MAP3K5: variants seen among roughly 807,000 people sequenced by gnomAD.
MAP3K5 encodes mitogen-activated protein kinase kinase kinase 5, also known as ASK-1.
Under a neutral mutation model 158.7 loss-of-function variants are expected in MAP3K5, and 56 were observed. That is an observed-to-expected ratio of 0.35 (90% CI 0.28 to 0.44). The LOEUF (loss-of-function observed/expected upper bound fraction) is 0.44, where lower values mean the gene tolerates loss of function less well. MAP3K5 is among the 20% of genes least tolerant of loss of function. The pLI, the probability that MAP3K5 is intolerant of heterozygous loss-of-function variation, is 1.00. For missense variants in MAP3K5, 1,294 were observed against 1,674.8 expected (o/e 0.77, Z 3.97); for synonymous variants, 579 against 601.7 (o/e 0.96, Z 0.55).
chr6:136,626,607 C>T (rs878950121), intron 14 of MAP3K5, among the ~76,000 whole-genome samples: 1 of 152,174 alleles, frequency 6.6e-6, no homozygotes, highest in Admixed American at 6.5e-5. Context: ...TTCCTGTAGT[C>T]TAGACTTCTG....
chr6:136,777,807 G>A (rs973398550), intron 1 of MAP3K5, among the ~76,000 whole-genome samples: 1 of 83,790 alleles, frequency 1.2e-5, no homozygotes, highest in East Asian at 2.9e-4. Context: ...TCTTATTCTG[G>A]CCCAGCCTTC....
intron 25 of MAP3K5, chr6:136,579,748 A>C (rs1033054762): frequency 2.2e-6 from 1 of 452,676 alleles, no homozygotes; most frequent in Non-Finnish European, 4.4e-6. Flanking sequence ...TATGTGCAAA[A>C]TCTCTGTATC....
At chr6:136,655,073 G>A (rs1778685410) in intron 10 of MAP3K5, among the ~76,000 whole-genome samples, 1 of 151,962 alleles carries the variant, frequency 6.6e-6, no homozygotes, top group Admixed American at 6.6e-5. Context: ...GACAAATTCT[G>A]TCAAATATTT....
intron 2 of MAP3K5, among the ~76,000 whole-genome samples, chr6:136,718,297 CCTCCTGGGTTCAAGAGATT>C (rs1290947526): frequency 6.6e-6 from 1 of 152,090 alleles, no homozygotes; most frequent in East Asian, 1.9e-4. Flanking sequence ...GCAACCTCTG[CCTCCTGGGTTCAAGAGATT>C]CTCATGCCTC....
At chr6:136,611,479 G>A in intron 17 of MAP3K5, 92 bp from the exon 18 acceptor site, 1 of 657,350 alleles carries the variant, frequency 1.5e-6, no homozygotes. Flanking sequence ...AAAAAAAAAG[G>A]TGTCCTTACA....
intron 2 of MAP3K5, among the ~76,000 whole-genome samples, chr6:136,707,074 G>T (rs960868749): frequency 2.0e-5 from 3 of 152,150 alleles, no homozygotes; most frequent in Admixed American, 2.0e-4. Flanking sequence ...AGGATCACTT[G>T]AGCCTTGAAG....
In MAP3K5 at chr6:136,676,151, A is replaced by G. The variant is rs140894165; in HGVS notation, c.1254-6756T>C. 6.0e-4 allele frequency among the ~76,000 whole-genome samples: 92 copies of G among 152,356 alleles called. 2 individuals carry two copies. Among genetic ancestry groups the G allele is most frequent in the African/African-American group, 2.1e-3 (86 of 41,574 alleles). On this transcript the variant is annotated intron_variant, in intron 7 of 29. Transcript: ENST00000359015. The stretch of plus-strand genomic sequence containing the variant: ...TCTGCTCCAAGAGAATGTAAGCTCC[A>G]TAAGAGCAGGAACCTTAACAGCCTT...
At chr6:136,630,356 T>A (rs1381267452) in intron 14 of MAP3K5, 1 of 152,232 alleles carries the variant, frequency 6.6e-6, no homozygotes, top group Non-Finnish European at 1.5e-5. Context: ...ATAGCAGGAA[T>A]TTCTCTCCAT....
intron 1 of MAP3K5, among the ~76,000 whole-genome samples, chr6:136,723,631 G>A (rs1781836814): frequency 6.6e-6 from 1 of 152,136 alleles, no homozygotes; most frequent in African/African-American, 2.4e-5. Flanking sequence ...CCTGTGTGAT[G>A]GAATATAAAA....
rs1246308658 is a variant in MAP3K5, at chr6:136,557,584, T to C, written c.*174A>G. The stretch of plus-strand genomic sequence containing the variant: ...TCCTTAAAAATTATAGAAATAGATG[T>C]AGTTAGGAAATTTCAGTGTGTTTTG... On this transcript the variant is annotated 3_prime_UTR_variant, in exon 30 of 30. Coordinates refer to ENST00000359015, the MANE Select transcript of MAP3K5 (RefSeq NM_005923.4). The C allele has an allele frequency of 1.8e-6, 1 of 553,774 alleles. No individual in the cohort carries two copies. The highest frequency in any genetic ancestry group is 1.9e-5 in the African/African-American group (1 of 52,452). The allele number at this position is 553,774 out of a possible 1,614,324, so 34.3% of individuals were successfully genotyped here.
chr6:136,754,095 A>C (rs997100497), intron 1 of MAP3K5, among the ~76,000 whole-genome samples: 2 of 151,664 alleles, frequency 1.3e-5, no homozygotes, highest in Non-Finnish European at 2.9e-5. Context: ...CAGCATGATG[A>C]AACCCCATCT....
At chr6:136,718,955 C>T (rs1478328998) in intron 2 of MAP3K5, among the ~76,000 whole-genome samples, 9 of 152,026 alleles carry the variant, frequency 5.9e-5, no homozygotes, top group Non-Finnish European at 7.4e-5. Flanking sequence ...GTGGGAGAAT[C>T]GCTTGAACCC....
At chr6:136,677,657 T>C (rs1779764446) in intron 7 of MAP3K5, among the ~76,000 whole-genome samples, 1 of 152,236 alleles carries the variant, frequency 6.6e-6, no homozygotes, top group African/African-American at 2.4e-5. Flanking sequence ...AAAAAGTACA[T>C]GTGGTACAAT....
chr6:136,640,788 C>T (rs892142071), intron 12 of MAP3K5, among the ~76,000 whole-genome samples: 3 of 152,182 alleles, frequency 2.0e-5, no homozygotes, highest in African/African-American at 4.8e-5. Context: ...TCTGAGGTGA[C>T]GCAAGGCAAG....
chr6:136,660,320 G>A (rs775558561), intron 8 of MAP3K5, among the ~76,000 whole-genome samples: 2 of 152,070 alleles, frequency 1.3e-5, no homozygotes, highest in African/African-American at 4.8e-5. Context: ...GGAGGGCCGA[G>A]GTGGGAGGAT....
At chr6:136,669,417 C>A in intron 7 of MAP3K5, 22 bp from the exon 8 acceptor site, 1 of 1,367,584 alleles carries the variant, frequency 7.3e-7, no homozygotes, top group Non-Finnish European at 1.0e-6. Flanking sequence ...CACAAATGTA[C>A]AAGTTAACTT....
intron 2 of MAP3K5, among the ~76,000 whole-genome samples, chr6:136,711,827 G>A (rs1562636078): frequency 6.6e-6 from 1 of 152,246 alleles, no homozygotes; most frequent in East Asian, 1.9e-4. Flanking sequence ...CTATTTATAG[G>A]AGGAGGTATT....
At chr6:136,665,947 T>A (rs954581948) in intron 8 of MAP3K5, among the ~76,000 whole-genome samples, 6 of 152,240 alleles carry the variant, frequency 3.9e-5, no homozygotes, top group African/African-American at 1.4e-4. Context: ...AGTGTTCTTT[T>A]ACTGTATCAT....
rs550017545 is a variant in MAP3K5, at chr6:136,595,771, C to T, written c.2879-3157G>A. ...GTGGCTCACGGCTGTAATCCCAGCA[C>T]TTTGGGAGGCTGAGGCAGGAGGATT... On this transcript the variant is annotated intron_variant, in intron 21 of 29. Transcript: ENST00000359015. 7.9e-5 allele frequency among the ~76,000 whole-genome samples: 12 copies of T among 152,252 alleles called. No individual in the cohort carries two copies. In the East Asian group the frequency reaches 1.9e-3, roughly 25 times the overall value.
Sources: gnomAD v4.1 joint callset for allele counts (sites outside exome capture counted in the v4.1 genomes callset) on GRCh38, gnomAD v4.1.1 for gene constraint, MANE v1.5 for transcripts, NCBI Gene and HGNC (gene_info 2026-07-23, HGNC 2026-07-21) for gene names.